Variants in IMMP1L observed in about 807,000 individuals in gnomAD.
IMMP1L encodes the protein mitochondrial inner membrane protease subunit 1.
A neutral mutation model predicts 21.8 loss-of-function variants in IMMP1L; 24 were observed. That is an observed-to-expected ratio of 1.10 (90% CI 0.80 to 1.55). The LOEUF (loss-of-function observed/expected upper bound fraction) is 1.55. Among genes scored for constraint, IMMP1L ranks in the 40% most tolerant of loss-of-function variants. The pLI is 0.00. For synonymous variants in IMMP1L, 46 were observed against 62.8 expected (o/e 0.73, Z 1.26); for missense variants, 195 against 200.7 (o/e 0.97, Z 0.17).
At chr11:31,504,705 A>T (rs763232552) in intron 1 of IMMP1L, among the ~76,000 whole-genome samples, 1 of 152,238 alleles carries the variant, frequency 6.6e-6, no homozygotes, top group Non-Finnish European at 1.5e-5. Context: ...ACTATACAGC[A>T]ATAAGAATAG....
chr11:31,470,434 CA>C (rs1027463461), intron 1 of IMMP1L, among the ~76,000 whole-genome samples: 149 of 128,000 alleles, frequency 1.2e-3, no homozygotes, highest in Non-Finnish European at 1.5e-3. Context: ...AAACAAAAAA[CA>C]AAAAAAAAAA....
intron 1 of IMMP1L, among the ~76,000 whole-genome samples, chr11:31,491,431 C>T (rs1478465917): frequency 6.6e-6 from 1 of 152,148 alleles, no homozygotes; most frequent in African/African-American, 2.4e-5. Flanking sequence ...AAATAGCAGT[C>T]CTTGTTGTAA....
intron 1 of IMMP1L, among the ~76,000 whole-genome samples, chr11:31,498,083 T>A (rs1288932379): frequency 6.6e-6 from 1 of 152,214 alleles, no homozygotes; most frequent in Non-Finnish European, 1.5e-5. Context: ...TGAGTTGATT[T>A]AGGAAATGTT....
intron 1 of IMMP1L, among the ~76,000 whole-genome samples, chr11:31,499,018 T>A (rs1054830069): frequency 6.6e-6 from 1 of 152,186 alleles, no homozygotes; most frequent in Non-Finnish European, 1.5e-5. Context: ...ATATCATGCC[T>A]AAATGGGATT....
At chr11:31,491,434 T>C (rs1274282888) in intron 1 of IMMP1L, among the ~76,000 whole-genome samples, 1 of 152,152 alleles carries the variant, frequency 6.6e-6, no homozygotes, top group African/African-American at 2.4e-5. Flanking sequence ...TAGCAGTCCT[T>C]GTTGTAAAGT....
chr11:31,467,317 T>C (rs990536598), intron 1 of IMMP1L, among the ~76,000 whole-genome samples: 1 of 152,150 alleles, frequency 6.6e-6, no homozygotes, highest in Non-Finnish European at 1.5e-5. Flanking sequence ...GAAAAGGCCA[T>C]TGTAAGAAGC....
At chr11:31,442,322 G>A (rs1953362855) in intron 4 of IMMP1L, among the ~76,000 whole-genome samples, 1 of 152,090 alleles carries the variant, frequency 6.6e-6, no homozygotes, top group Non-Finnish European at 1.5e-5. Context: ...ATGGCCTGCG[G>A]GTGTCCATTT....
chr11:31,462,929 C>A (rs1397367394), intron 2 of IMMP1L, among the ~76,000 whole-genome samples: 1 of 151,926 alleles, frequency 6.6e-6, no homozygotes, highest in African/African-American at 2.4e-5. Context: ...TCAAAAGGAC[C>A]CTTTGTGCCC....
chr11:31,443,024 T>G (rs1407174792), intron 4 of IMMP1L, among the ~76,000 whole-genome samples: 1 of 152,160 alleles, frequency 6.6e-6, no homozygotes, highest in African/African-American at 2.4e-5. Flanking sequence ...AAGATGTCAT[T>G]TTAGTCCAAT....
At chr11:31,490,441 C>T (rs2133788127) in intron 1 of IMMP1L, among the ~76,000 whole-genome samples, 1 of 150,426 alleles carries the variant, frequency 6.6e-6, no homozygotes, top group East Asian at 2.0e-4. Flanking sequence ...CATTGCACTC[C>T]AGCCTGGTGA....
intron 1 of IMMP1L, among the ~76,000 whole-genome samples, chr11:31,484,956 G>A (rs1955024330): frequency 6.6e-6 from 1 of 151,774 alleles, no homozygotes; most frequent in South Asian, 2.1e-4. Context: ...CAGTAAATCA[G>A]CATATTAATG....
At chr11:31,500,570 C>A (rs150919918) in intron 1 of IMMP1L, among the ~76,000 whole-genome samples, 1 of 150,034 alleles carries the variant, frequency 6.7e-6, no homozygotes, top group Admixed American at 6.7e-5. Context: ...CCTCTCTCCC[C>A]TCCAAAAATC....
At chr11:31,465,936 A>G (rs1204870961) in intron 1 of IMMP1L, among the ~76,000 whole-genome samples, 3 of 152,122 alleles carry the variant, frequency 2.0e-5, no homozygotes, top group African/African-American at 7.2e-5. Flanking sequence ...AAACGGATTT[A>G]AACTAAAAAG....
chr11:31,450,087 G>T (rs1049586370), intron 4 of IMMP1L, among the ~76,000 whole-genome samples: 5 of 152,074 alleles, frequency 3.3e-5, no homozygotes, highest in Non-Finnish European at 7.4e-5. Context: ...ATAAACCACA[G>T]AAAATCCTAG....
At chr11:31,479,121 CGTT>C (rs1473971158) in intron 1 of IMMP1L, among the ~76,000 whole-genome samples, 3 of 151,804 alleles carry the variant, frequency 2.0e-5, no homozygotes, top group African/African-American at 4.8e-5. Flanking sequence ...GATGTGAAGA[CGTT>C]GTAAGTTTTA....
At chr11:31,456,107 G>A (rs1953927622) in intron 4 of IMMP1L, among the ~76,000 whole-genome samples, 153 bp downstream of exon 4, 1 of 152,140 alleles carries the variant, frequency 6.6e-6, no homozygotes, top group South Asian at 2.1e-4. Context: ...AAATATAACG[G>A]CTGAATTGTT....
Position 31,470,243 on chromosome 11 carries a change from G to A in IMMP1L, c.-29-6938C>T, listed in dbSNP as rs1417079716. On this transcript the variant is annotated intron_variant, in intron 1 of 5. Transcript: ENST00000532287. Reference sequence around the variant, plus strand: ...AGCCTAACCAACAAGGAGAAACCCCGTCTCTACTAAAAATACAAAATTAGC... The same window carrying A: ...AGCCTAACCAACAAGGAGAAACCCCATCTCTACTAAAAATACAAAATTAGC... Among the ~76,000 whole-genome samples, 6 of 152,078 alleles carry A rather than the reference G, an allele frequency of 3.9e-5. No individual in the cohort carries two copies. The South Asian group carries it at 1.0e-3, about 26-fold the overall frequency.
intron 1 of IMMP1L, among the ~76,000 whole-genome samples, chr11:31,500,589 A>G (rs1255341978): frequency 7.2e-6 from 1 of 139,006 alleles, no homozygotes; most frequent in Non-Finnish European, 1.5e-5. Flanking sequence ...TCTGTTCCAC[A>G]TATGCACACA....
chr11:31,456,499 C>CCTG, intron 3 of IMMP1L, 113 bp from the exon 4 acceptor site: 1 of 684,280 alleles, frequency 1.5e-6, no homozygotes, highest in Non-Finnish European at 2.4e-6. Flanking sequence ...AACCTTTATC[C>CCTG]TCTCATATAC....
Sources: gnomAD v4.1 joint callset for allele counts (sites outside exome capture counted in the v4.1 genomes callset) on GRCh38, gnomAD v4.1.1 for gene constraint, MANE v1.5 for transcripts, NCBI Gene and HGNC (gene_info 2026-07-23, HGNC 2026-07-21) for gene names.